Variants in MOB1A observed in about 807,000 individuals in gnomAD.
The protein encoded by MOB1A is MOB kinase activator 1A.
In MOB1A, 10 loss-of-function variants were observed where a neutral mutation model predicts 25.1. The ratio of observed to expected loss-of-function variants is 0.40; its 90% CI spans 0.25 to 0.68. The LOEUF is 0.68. Ranked by LOEUF, MOB1A falls within the 30% of genes least tolerant of loss-of-function variation. The pLI is 0.40. For synonymous variants in MOB1A, 81 were observed against 79.5 expected (o/e 1.02, Z -0.10); for missense variants, 177 against 256.3 (o/e 0.69, Z 2.11).
chr2:74,166,906 T>TC (rs1693143892), intron 3 of MOB1A, 108 bp downstream of exon 3: 2 of 762,716 alleles, frequency 2.6e-6, no homozygotes, highest in East Asian at 5.2e-5. Flanking sequence ...CCAATAAAAC[T>TC]GAATCACCTT....
chr2:74,173,016 G>A lies in MOB1A; in HGVS notation c.15-264C>T, dbSNP rs1350779846. Among the ~76,000 whole-genome samples the A allele has an allele frequency of 2.0e-5, 3 of 152,036 alleles. No homozygotes were observed. In the East Asian group the frequency reaches 5.8e-4, roughly 29 times the overall value. On this transcript the variant is annotated intron_variant, in intron 1 of 5. Coordinates refer to ENST00000396049, the MANE Select transcript of MOB1A (RefSeq NM_018221.5). ...CCAAGCATGATGGCGCACACCTGTA[G>A]TCCCAGCTACTTGGGAGGCTGAGGC...
chr2:74,173,046 G>A, intron 1 of MOB1A: 1 of 442,150 alleles, frequency 2.3e-6, no homozygotes, highest in Non-Finnish European at 4.4e-6. Context: ...TGAGGCAGAA[G>A]AATGGCTTGA....
In MOB1A at chr2:74,152,607, A is replaced by T. The variant is rs188967590; in HGVS notation, c.*3961T>A. The T allele has an allele frequency of 6.6e-6, 1 of 152,254 alleles. No homozygotes were observed. The highest frequency in any genetic ancestry group is 1.5e-5 in the Non-Finnish European group (1 of 68,040). 9.4% of individuals were successfully genotyped at this position (152,254 alleles called of 1,614,324 possible). A position where few individuals can be genotyped will look rare whatever the true frequency, so the allele number is the denominator to read the frequency against. On this transcript the variant is annotated 3_prime_UTR_variant, in exon 6 of 6. Coordinates refer to ENST00000396049, the MANE Select transcript of MOB1A (RefSeq NM_018221.5). The stretch of plus-strand genomic sequence containing the variant: ...TTTAATCAGTCATTTCTTGCTTTCA[A>T]TATATTTTATTCTGACGAAGTTACA...
At chr2:74,161,111 C>A (rs1257524958) in intron 4 of MOB1A, among the ~76,000 whole-genome samples, 1 of 152,168 alleles carries the variant, frequency 6.6e-6, no homozygotes, top group Non-Finnish European at 1.5e-5. Context: ...AAGGCCTGTT[C>A]CACAACGCTA....
At chr2:74,163,070 G>A (rs1033834508) in intron 4 of MOB1A, among the ~76,000 whole-genome samples, 2 of 151,944 alleles carry the variant, frequency 1.3e-5, no homozygotes, top group Admixed American at 6.6e-5. Context: ...CCAAGATTTC[G>A]GCTTACTGCA....
chr2:74,176,298 A>AAGGCCG (rs1693458608), intron 1 of MOB1A, among the ~76,000 whole-genome samples: 1 of 147,144 alleles, frequency 6.8e-6, no homozygotes, highest in Non-Finnish European at 1.5e-5. Flanking sequence ...AAAAAAAAAA[A>AAGGCCG]GGAGGTAAAA....
intron 1 of MOB1A, chr2:74,178,303 A>C (rs1295175519): frequency 5.3e-6 from 1 of 189,694 alleles, no homozygotes; most frequent in East Asian, 1.2e-4. Context: ...CAACGAGTTA[A>C]GTCGGCAAGG....
rs566020523 is a variant in MOB1A at position 74,175,057 on chromosome 2, T to C, written c.15-2305A>G. ...CAAGCAGCAAAGCTTCATCTGTATT[T>C]ACAGCTGCTCCCCATTGCTGGCATT... is the stretch of plus-strand genomic sequence containing the variant. On this transcript the variant is annotated intron_variant, in intron 1 of 5. Coordinates refer to ENST00000396049, the MANE Select transcript of MOB1A (RefSeq NM_018221.5). Among the ~76,000 whole-genome samples the C allele has an allele frequency of 4.6e-5, 7 of 152,384 alleles. No homozygotes were observed. In the South Asian group the frequency reaches 1.4e-3, roughly 32 times the overall value.
At chr2:74,173,112 G>T (rs1693343441) in intron 1 of MOB1A, 1 of 482,856 alleles carries the variant, frequency 2.1e-6, no homozygotes, top group Admixed American at 2.2e-5. Flanking sequence ...CTCCAGCCCA[G>T]GTGACAGAGC....
rs1692706292 is a variant in MOB1A at position 74,153,243 on chromosome 2, A to T, written c.*3325T>A. 6.6e-6 allele frequency: 1 copy of T among 152,162 alleles called. No homozygotes were observed. Among genetic ancestry groups the T allele is most frequent in the African/African-American group, 2.4e-5 (1 of 41,438 alleles). The allele number at this position is 152,162 out of a possible 1,614,324, so 9.4% of individuals were successfully genotyped here. On this transcript the variant is annotated 3_prime_UTR_variant, in exon 6 of 6. Coordinates refer to ENST00000396049, the MANE Select transcript of MOB1A (RefSeq NM_018221.5). ...GCTTTAAAACAAATTTCTAGGACTTACGCTCTTTGGGCCTGATTTGTTAAT... is the reference window on the plus strand; with the variant it reads ...GCTTTAAAACAAATTTCTAGGACTTTCGCTCTTTGGGCCTGATTTGTTAAT...
intron 4 of MOB1A, among the ~76,000 whole-genome samples, chr2:74,159,534 G>A (rs947789146): frequency 6.6e-6 from 1 of 151,924 alleles, no homozygotes; most frequent in Non-Finnish European, 1.5e-5. Flanking sequence ...CAATCTGCCC[G>A]CCTCAACCTC....
chr2:74,165,200 T>C lies in MOB1A; in HGVS notation c.409+18A>G, dbSNP rs747901468. ...AAATTTTAAAAAAAGAAAGAATACT[T>C]CGACAATGTTAACTCACCAATCTTA... is the stretch of plus-strand genomic sequence containing the variant. On this transcript the variant is annotated intron_variant, in intron 4 of 5. Coordinates refer to ENST00000396049, the MANE Select transcript of MOB1A (RefSeq NM_018221.5). The C allele has an allele frequency of 1.3e-6, 2 of 1,487,686 alleles. No individual in the cohort carries two copies. The highest frequency in any genetic ancestry group is 2.8e-5 in the South Asian group (2 of 70,990). 92.2% of individuals were successfully genotyped at this position (1,487,686 alleles called of 1,614,324 possible).
chr2:74,165,181 T>A (rs1282223890), intron 4 of MOB1A, 37 bp downstream of exon 4: 7 of 1,442,474 alleles, frequency 4.9e-6, no homozygotes, highest in East Asian at 2.6e-5. Context: ...AATAAAATTT[T>A]AAAAAAAGAA....
rs1250022055 is a variant in MOB1A at position 74,178,666 on chromosome 2, G to A, written c.9C>T (p.Phe3=). The A allele has an allele frequency of 2.2e-6, 3 of 1,367,322 alleles. No homozygotes were observed. Among genetic ancestry groups the A allele is most frequent in the Non-Finnish European group, 2.8e-6 (3 of 1,055,572 alleles). 84.7% of individuals were successfully genotyped at this position (1,367,322 alleles called of 1,614,324 possible). A position where few individuals can be genotyped will look rare whatever the true frequency, so the allele number is the denominator to read the frequency against. The stretch of plus-strand genomic sequence containing the variant: ...CGCGGCCCGACCCCACTCACAAGAG[G>A]AAGCTCATCTTCGGTCCTCAGAGGG... MS[F]LFSSRSSKTF... The change falls in exon 1 of 6, where the codon TTC becomes TTT. Residue 3 remains phenylalanine, a synonymous_variant. Transcript: ENST00000396049.
At chr2:74,163,669 C>T (rs186706739) in intron 4 of MOB1A, among the ~76,000 whole-genome samples, 1 of 151,980 alleles carries the variant, frequency 6.6e-6, no homozygotes, top group Admixed American at 6.6e-5. Flanking sequence ...ACAATAAAAA[C>T]CAACAGCTTT....
chr2:74,176,993 G>C (rs928132745), intron 1 of MOB1A, among the ~76,000 whole-genome samples: 4 of 152,058 alleles, frequency 2.6e-5, no homozygotes, highest in African/African-American at 9.7e-5. Flanking sequence ...GTTCACAGCA[G>C]CATTATTCAT....
rs1000096307 is a variant in MOB1A at position 74,154,839 on chromosome 2, G to C, written c.*1729C>G. 3 of 152,118 alleles carry C rather than the reference G, an allele frequency of 2.0e-5. No individual in the cohort carries two copies. The highest frequency in any genetic ancestry group is 7.2e-5 in the African/African-American group (3 of 41,494). 9.4% of individuals were successfully genotyped at this position (152,118 alleles called of 1,614,324 possible). On this transcript the variant is annotated 3_prime_UTR_variant, in exon 6 of 6. Coordinates refer to ENST00000396049, the MANE Select transcript of MOB1A (RefSeq NM_018221.5). ...CATGGATTGTGGAATGTCTAATAGA[G>C]GGCTTTTCTCTCTTTTTTTTAATAA...
chr2:74,175,112 A>T (rs148012442), intron 1 of MOB1A, among the ~76,000 whole-genome samples: 2 of 152,294 alleles, frequency 1.3e-5, no homozygotes, highest in East Asian at 3.9e-4. Flanking sequence ...TTGTCATATC[A>T]GCAGAGGCAT....
Position 74,178,740 on chromosome 2 carries a change from T to C in MOB1A, c.-66A>G. ...GCCTGGATCAGGATTCGGAGCTGGC[T>C]AGAGGGAGCGGACCGTCCTTAGCTC... is the stretch of plus-strand genomic sequence containing the variant. On this transcript the variant is annotated 5_prime_UTR_variant, in exon 1 of 6. Coordinates refer to ENST00000396049, the MANE Select transcript of MOB1A (RefSeq NM_018221.5). 1.1e-6 allele frequency: 1 copy of C among 930,612 alleles called. No homozygotes were observed. 57.6% of individuals were successfully genotyped at this position (930,612 alleles called of 1,614,324 possible).
Sources: allele counts gnomAD v4.1 joint callset (sites outside exome capture counted in the v4.1 genomes callset), GRCh38; gene constraint gnomAD v4.1.1; transcripts MANE v1.5; gene names NCBI Gene and HGNC (gene_info 2026-07-23, HGNC 2026-07-21).